CLDN10: variants seen among roughly 807,000 people sequenced by gnomAD.
CLDN10 encodes the protein claudin 10, also known as claudin-10.
Under a neutral mutation model 22.9 loss-of-function variants are expected in CLDN10, and 15 were observed. That is an observed-to-expected ratio of 0.65 (90% CI 0.44 to 1.01). CLDN10 has a LOEUF of 1.01. CLDN10 is among the 50% of genes least tolerant of loss of function. The probability of loss-of-function intolerance (pLI) is 0.00; values close to 1 mark genes in which losing one functional copy is unlikely to be tolerated. For missense variants in CLDN10, 247 were observed against 287.8 expected (o/e 0.86, Z 1.03); for synonymous variants, 114 against 111.4 (o/e 1.02, Z -0.15).
intron 1 of CLDN10, among the ~76,000 whole-genome samples, chr13:95,482,438 G>T (rs980096212): frequency 6.6e-6 from 1 of 152,192 alleles, no homozygotes; most frequent in East Asian, 1.9e-4. Context: ...AAGCTGCTGT[G>T]GCAGAAAGGG....
chr13:95,569,199 T>C (rs983290944), intron 3 of CLDN10, among the ~76,000 whole-genome samples: 9 of 140,452 alleles, frequency 6.4e-5, no homozygotes, highest in Non-Finnish European at 1.3e-4. Flanking sequence ...GAAATGTATG[T>C]TGAAATGTTG....
At chr13:95,572,414 A>T (rs1319419987) in intron 3 of CLDN10, among the ~76,000 whole-genome samples, 1 of 152,232 alleles carries the variant, frequency 6.6e-6, no homozygotes, top group African/African-American at 2.4e-5. Flanking sequence ...TGGCTGAGAC[A>T]TGAAGGAACA....
At chr13:95,541,791 T>A (rs2043462847) in intron 1 of CLDN10, among the ~76,000 whole-genome samples, 1 of 152,192 alleles carries the variant, frequency 6.6e-6, no homozygotes. Flanking sequence ...GCACCCAAGT[T>A]TAATGATTAA....
At chr13:95,443,380 C>T (rs990010026) in intron 1 of CLDN10, among the ~76,000 whole-genome samples, 1 of 152,198 alleles carries the variant, frequency 6.6e-6, no homozygotes, top group Non-Finnish European at 1.5e-5. Flanking sequence ...GTAGACTAAC[C>T]TGTGTTTAAA....
intron 1 of CLDN10, among the ~76,000 whole-genome samples, chr13:95,547,383 A>G (rs753680509): frequency 8.6e-5 from 13 of 152,046 alleles, no homozygotes; most frequent in Non-Finnish European, 1.6e-4. Flanking sequence ...GAGATTTGCA[A>G]TACACTTCAG....
chr13:95,514,654 A>T (rs570006824), intron 1 of CLDN10, among the ~76,000 whole-genome samples: 2 of 152,272 alleles, frequency 1.3e-5, no homozygotes, highest in South Asian at 2.1e-4. Flanking sequence ...GTAGCCGATG[A>T]TGGGGATGAA....
intron 3 of CLDN10, among the ~76,000 whole-genome samples, chr13:95,576,667 G>A (rs1230759317): frequency 2.0e-5 from 3 of 152,102 alleles, no homozygotes; most frequent in Admixed American, 6.5e-5. Flanking sequence ...CTCCTGCTGC[G>A]GTCATCGGCA....
chr13:95,551,896 T>A (rs2138640534), upstream of CLDN10, among the ~76,000 whole-genome samples: 1 of 152,098 alleles, frequency 6.6e-6, no homozygotes, highest in South Asian at 2.1e-4. Context: ...TAAAAAAAAA[T>A]AAAAGACAAG....
chr13:95,493,898 C>T (rs992251693), intron 1 of CLDN10, among the ~76,000 whole-genome samples: 1 of 152,070 alleles, frequency 6.6e-6, no homozygotes. Context: ...TCACTTAGCA[C>T]GTTTTCAAGG....
At chr13:95,490,186 G>A (rs4335657) in intron 1 of CLDN10, among the ~76,000 whole-genome samples, 1 of 151,894 alleles carries the variant, frequency 6.6e-6, no homozygotes, top group Non-Finnish European at 1.5e-5. Flanking sequence ...GCTTAGTCCT[G>A]GTTTGGCTAT....
At chr13:95,542,944 C>T (rs896805778) in intron 1 of CLDN10, among the ~76,000 whole-genome samples, 2 of 151,844 alleles carry the variant, frequency 1.3e-5, no homozygotes, top group Non-Finnish European at 2.9e-5. Flanking sequence ...TAAAATCCAC[C>T]CTTTAGGCTG....
chr13:95,563,101 TCTCTC>T (rs2138663937), intron 3 of CLDN10, among the ~76,000 whole-genome samples: 1 of 133,610 alleles, frequency 7.5e-6, no homozygotes, highest in South Asian at 2.4e-4. Context: ...ACCCACTCTC[TCTCTC>T]TCTCTCTCTC....
At chr13:95,518,124 C>A (rs1239813819) in intron 1 of CLDN10, among the ~76,000 whole-genome samples, 1 of 152,020 alleles carries the variant, frequency 6.6e-6, no homozygotes, top group Non-Finnish European at 1.5e-5. Flanking sequence ...ATTTTCTCAC[C>A]TGAAAAATGG....
intron 1 of CLDN10, among the ~76,000 whole-genome samples, chr13:95,460,850 T>G (rs1362847506): frequency 6.6e-6 from 1 of 151,988 alleles, no homozygotes; most frequent in African/African-American, 2.4e-5. Context: ...GGCTCACACC[T>G]GTAATCTCAG....
chr13:95,532,231 T>C (rs7987643), intron 1 of CLDN10, among the ~76,000 whole-genome samples: 143,992 of 152,224 alleles, frequency 0.95, 68,604 homozygotes, highest in East Asian at 1. Context: ...AGGCAAGCCA[T>C]ACACTGAGAG....
chr13:95,464,442 T>C (rs2042565268), intron 1 of CLDN10, among the ~76,000 whole-genome samples: 2 of 152,222 alleles, frequency 1.3e-5, no homozygotes, highest in Admixed American at 1.3e-4. Flanking sequence ...CATCATTTTT[T>C]ATAGCTGCAT....
intron 1 of CLDN10, among the ~76,000 whole-genome samples, chr13:95,434,293 G>A (rs1778942604): frequency 6.6e-6 from 1 of 152,086 alleles, no homozygotes; most frequent in South Asian, 2.1e-4. Flanking sequence ...TGACTCCAAA[G>A]GGAAGAGTGG....
chr13:95,554,530 G>A (rs763996560), intron 1 of CLDN10, among the ~76,000 whole-genome samples: 9 of 152,160 alleles, frequency 5.9e-5, no homozygotes, highest in Non-Finnish European at 1.0e-4. Flanking sequence ...GAGTGAAGAG[G>A]AAGTAGGAAT....
In CLDN10 at chr13:95,570,390, A is replaced by G. The variant is rs969107948; in HGVS notation, c.465-6841A>G. 3.0e-4 allele frequency among the ~76,000 whole-genome samples: 46 copies of G among 152,174 alleles called. 1 individual carries two copies. Reference sequence around the variant, plus strand: ...ATTTGGTTTTGAATTGAACTATGTGACTTTTGGAACATGAGATGTTCCTTT... The same window carrying G: ...ATTTGGTTTTGAATTGAACTATGTGGCTTTTGGAACATGAGATGTTCCTTT... On this transcript the variant is annotated intron_variant, in intron 3 of 4. Transcript: ENST00000299339.
Sources: allele counts gnomAD v4.1 joint callset (sites outside exome capture counted in the v4.1 genomes callset), GRCh38; gene constraint gnomAD v4.1.1; transcripts MANE v1.5; gene names NCBI Gene and HGNC (gene_info 2026-07-23, HGNC 2026-07-21).